The following TRHDE variants were observed in gnomAD, a reference collection of about 807,000 sequenced individuals.
TRHDE encodes thyrotropin releasing hormone degrading enzyme, also known as thyrotropin-releasing hormone-degrading ectoenzyme.
TRHDE carries 72 observed loss-of-function variants against 125.7 expected under a neutral mutation model. The observed-to-expected ratio is 0.57, with a 90% CI of 0.47 to 0.70. The LOEUF (loss-of-function observed/expected upper bound fraction) is 0.70. Among genes scored for constraint, TRHDE ranks in the 30% least tolerant of loss-of-function variants. The probability of loss-of-function intolerance (pLI) is 0.00; values close to 1 mark genes in which losing one functional copy is unlikely to be tolerated. For missense variants in TRHDE, 1,110 were observed against 1,327.1 expected (o/e 0.84, Z 2.54); for synonymous variants, 509 against 509.1 (o/e 1.00, Z 0.00).
chr12:72,415,377 A>G (rs1184736894), intron 3 of TRHDE, among the ~76,000 whole-genome samples: 1 of 152,044 alleles, frequency 6.6e-6, no homozygotes, highest in Admixed American at 6.6e-5. Context: ...TTTTTTTGTT[A>G]GGAACATTCT....
intron 3 of TRHDE, among the ~76,000 whole-genome samples, chr12:72,414,206 C>A (rs1011097804): frequency 6.6e-6 from 1 of 151,946 alleles, no homozygotes; most frequent in African/African-American, 2.4e-5. Context: ...TGACCGGGGT[C>A]AAATTTTAAA....
intron 3 of TRHDE, among the ~76,000 whole-genome samples, chr12:72,449,933 C>T (rs1323413155): frequency 6.6e-6 from 1 of 151,970 alleles, no homozygotes; most frequent in Non-Finnish European, 1.5e-5. Flanking sequence ...GATTCACAAT[C>T]TTGGTTAATG....
chr12:72,208,107 A>G (rs1364283244), intron 2 of TRHDE, among the ~76,000 whole-genome samples: 2 of 152,074 alleles, frequency 1.3e-5, no homozygotes, highest in Non-Finnish European at 2.9e-5. Context: ...AGTTCCTCTT[A>G]AACATAGCCT....
chr12:72,437,902 AT>A (rs1227463013), intron 3 of TRHDE, among the ~76,000 whole-genome samples: 1 of 151,792 alleles, frequency 6.6e-6, no homozygotes, highest in African/African-American at 2.4e-5. Context: ...GAAATTTTGT[AT>A]GTTTGAGCCA....
At chr12:72,216,973 T>A (rs965710167) in intron 2 of TRHDE, among the ~76,000 whole-genome samples, 1 of 152,128 alleles carries the variant, frequency 6.6e-6, no homozygotes, top group Non-Finnish European at 1.5e-5. Context: ...TGCTAGTTTT[T>A]TTTTTTTTAA....
At chr12:72,456,455 CAAAT>C (rs1358604455) in intron 3 of TRHDE, among the ~76,000 whole-genome samples, 4 of 152,006 alleles carry the variant, frequency 2.6e-5, no homozygotes, top group South Asian at 2.1e-4. Flanking sequence ...TCCAAGGACA[CAAAT>C]AAAATATTTG....
In TRHDE at chr12:72,238,328, ATATATACACATTAT is replaced by A. The variant is rs1255778698; in HGVS notation, n.279+132577_279+132590del. ...TATATATATATATATATATACATAT[ATATATACACATTAT>A]ATATATATATATATATATATACACA... On this transcript the variant is annotated intron_variant and non_coding_transcript_variant, in intron 2 of 4. Coordinates refer to the TRHDE transcript ENST00000548156. Among the ~76,000 whole-genome samples the A allele has an allele frequency of 6.1e-4, 21 of 34,646 alleles. 2 individuals carry two copies. The highest frequency in any genetic ancestry group is 2.2e-3 in the African/African-American group (18 of 8,320). The allele number at this position is 34,646 out of a possible 152,430, so 22.7% of individuals were successfully genotyped here.
chr12:72,176,085 G>A (rs1876982002), intron 2 of TRHDE, among the ~76,000 whole-genome samples: 1 of 152,132 alleles, frequency 6.6e-6, no homozygotes. Flanking sequence ...GGCCAGGTAT[G>A]GTGGCTCACG....
intron 2 of TRHDE, among the ~76,000 whole-genome samples, chr12:72,361,420 G>C (rs1871074562): frequency 6.6e-6 from 1 of 151,680 alleles, no homozygotes; most frequent in Non-Finnish European, 1.5e-5. Flanking sequence ...TTGGAAAGAT[G>C]CAATAAAGTG....
chr12:72,166,024 G>A (rs1876739576), intron 2 of TRHDE, among the ~76,000 whole-genome samples: 1 of 151,992 alleles, frequency 6.6e-6, no homozygotes, highest in Admixed American at 6.6e-5. Context: ...ATCATAGAGT[G>A]CACTTACCTT....
Position 72,273,133 on chromosome 12 carries a change from A to T in TRHDE, c.490A>T (p.Thr164Ser). The change falls in exon 1 of 19, where the codon ACC (threonine) becomes TCC (serine). Residue 164 changes from threonine to serine, a missense_variant. This residue lies in a region of TRHDE where 248 missense variants were observed against 240.8 expected (regional missense o/e 1.03). Transcript: ENST00000261180. This position sits in a 1 kb window ranked among gnomAD's most constrained non-coding sequence, Gnocchi z 5.3. The stretch of plus-strand genomic sequence containing the variant: ...GGCGGGTGGGGTGGCCAGTCCGGGG[A>T]CCACGTCGGCCCAGCCGCCGTCGGA... ...PEAGGVASPGTTSAQPPSEEE... is the reference protein window; with the variant it reads ...PEAGGVASPGSTSAQPPSEEE... The T allele has an allele frequency of 6.4e-7, 1 of 1,551,666 alleles. No individual in the cohort carries two copies. Among genetic ancestry groups the T allele is most frequent in the South Asian group, 1.2e-5 (1 of 83,690 alleles).
intron 6 of TRHDE, among the ~76,000 whole-genome samples, chr12:72,515,052 G>T (rs1878779733): frequency 7.1e-6 from 1 of 141,352 alleles, no homozygotes; most frequent in Non-Finnish European, 1.5e-5. Context: ...GGATATTTGG[G>T]TTGGTTCCAA....
chr12:72,582,147 C>G lies in TRHDE; in HGVS notation c.2321+6605C>G, dbSNP rs78122262. On this transcript the variant is annotated intron_variant, in intron 12 of 18. Transcript: ENST00000261180. ...AAAAAGTGCTGTAGGCACTAGAGAG[C>G]AGTCATCAGTAGTGCATAATATATG... 2,142 of 413,360 alleles carry G rather than the reference C, an allele frequency of 5.2e-3. 48 individuals carry two copies. The highest frequency in any genetic ancestry group is 0.047 in the African/African-American group (2,015 of 43,028). The allele number at this position is 413,360 out of a possible 1,614,324, so 25.6% of individuals were successfully genotyped here. A position where few individuals can be genotyped will look rare whatever the true frequency, so the allele number is the denominator to read the frequency against.
intron 3 of TRHDE, among the ~76,000 whole-genome samples, chr12:72,378,833 A>G (rs1315617133): frequency 6.6e-6 from 1 of 152,216 alleles, no homozygotes; most frequent in Non-Finnish European, 1.5e-5. Flanking sequence ...GCATAAATGA[A>G]TTAATTGGTT....
At chr12:72,234,340 C>T (rs991224929) in intron 2 of TRHDE, among the ~76,000 whole-genome samples, 5 of 152,096 alleles carry the variant, frequency 3.3e-5, no homozygotes, top group Admixed American at 1.3e-4. Flanking sequence ...TGAAATTTTC[C>T]TGATTTATAG....
At chr12:72,163,841 G>A (rs1876687426) in intron 2 of TRHDE, among the ~76,000 whole-genome samples, 1 of 152,232 alleles carries the variant, frequency 6.6e-6, no homozygotes, top group Admixed American at 6.5e-5. Context: ...GCAGAGCGCG[G>A]TGGCTCATCC....
chr12:72,623,117 G>A (rs192950113), intron 15 of TRHDE, among the ~76,000 whole-genome samples: 23 of 151,762 alleles, frequency 1.5e-4, no homozygotes, highest in South Asian at 1.0e-3. Flanking sequence ...ATTCTACCAC[G>A]TTTAATCAGA....
chr12:72,393,189 T>A (rs1872671288), intron 3 of TRHDE, among the ~76,000 whole-genome samples: 1 of 152,206 alleles, frequency 6.6e-6, no homozygotes, highest in Non-Finnish European at 1.5e-5. Context: ...AATTAACACT[T>A]ATTTTCCTCT....
At chr12:72,448,123 T>C (rs996735540) in intron 3 of TRHDE, among the ~76,000 whole-genome samples, 3 of 152,092 alleles carry the variant, frequency 2.0e-5, no homozygotes, top group Non-Finnish European at 4.4e-5. Context: ...CAGAATGCAT[T>C]CTATTTTTGT....
Sources: allele counts gnomAD v4.1 joint callset (sites outside exome capture counted in the v4.1 genomes callset), GRCh38; gene constraint gnomAD v4.1.1; regional missense constraint gnomAD v4.1.1; non-coding constraint Gnocchi (gnomAD v3.1); transcripts MANE v1.5; gene names NCBI Gene and HGNC (gene_info 2026-07-23, HGNC 2026-07-21).